CNTNAP4: variants seen among roughly 807,000 people sequenced by gnomAD.
CNTNAP4 encodes contactin-associated protein-like 4.
CNTNAP4 carries 98 observed loss-of-function variants against 148.4 expected under a neutral mutation model. The ratio of observed to expected loss-of-function variants is 0.66; its 90% CI spans 0.56 to 0.78. CNTNAP4 has a LOEUF of 0.78. CNTNAP4 is among the 30% of genes least tolerant of loss of function. The pLI is 0.00. For missense variants in CNTNAP4, 1,935 were observed against 1,565.6 expected (o/e 1.24, Z -3.98); for synonymous variants, 730 against 565.1 (o/e 1.29, Z -4.14).
intron 17 of CNTNAP4, among the ~76,000 whole-genome samples, chr16:76,532,955 C>G (rs1320133035): frequency 1.3e-5 from 2 of 152,084 alleles, no homozygotes; most frequent in Non-Finnish European, 2.9e-5. Context: ...ACAAATAGAA[C>G]TACAATGTGA....
chr16:76,547,203 A>G (rs975916573), intron 21 of CNTNAP4, among the ~76,000 whole-genome samples: 17 of 152,344 alleles, frequency 1.1e-4, no homozygotes, highest in African/African-American at 4.1e-4. Flanking sequence ...TAATTAAAGG[A>G]AATATACAGA....
rs568116026 is a variant in CNTNAP4, at chr16:76,282,032, G to A, written c.85+4285G>A. Among the ~76,000 whole-genome samples the A allele has an allele frequency of 2.6e-4, 40 of 151,592 alleles. No homozygotes were observed. In the South Asian group the frequency reaches 8.3e-3, roughly 32 times the overall value. On this transcript the variant is annotated intron_variant, in intron 1 of 23. Transcript: ENST00000611870. ...TGGCACTTTATATAAAAAGTTAATT[G>A]ACCCCTATTTAAATAATATACAATA...
chr16:76,442,653 C>G (rs72797049), intron 4 of CNTNAP4, among the ~76,000 whole-genome samples: 3,809 of 152,062 alleles, frequency 0.025, 79 homozygotes, highest in Non-Finnish European at 0.038. Flanking sequence ...TAGCAACACA[C>G]TCTTGCAAGA....
At chr16:76,300,841 A>C (rs1597121670) in intron 1 of CNTNAP4, among the ~76,000 whole-genome samples, 1 of 152,144 alleles carries the variant, frequency 6.6e-6, no homozygotes, top group Admixed American at 6.6e-5. Flanking sequence ...TTTGCAGTAC[A>C]TTAGACACTA....
chr16:76,336,534 G>C (rs1321286796), intron 2 of CNTNAP4, among the ~76,000 whole-genome samples: 1 of 152,144 alleles, frequency 6.6e-6, no homozygotes, highest in East Asian at 1.9e-4. Context: ...TTGGATAAAA[G>C]ATTTAGGCTT....
intron 23 of CNTNAP4, 69 bp downstream of exon 23, chr16:76,553,976 TG>T: frequency 2.0e-6 from 2 of 1,002,060 alleles, no homozygotes; most frequent in Admixed American, 4.1e-5. Context: ...TATTTAGCAT[TG>T]TAGAAACTGT....
rs1292198875 is a variant in CNTNAP4 at position 76,460,793 on chromosome 16, T to TATATATAC, written c.1334-1161_1334-1160insATATACAT. Among the ~76,000 whole-genome samples the TATATATAC allele has an allele frequency of 8.4e-4, 93 of 110,480 alleles. 3 individuals are homozygous for TATATATAC. The highest frequency in any genetic ancestry group is 3.1e-3 in the African/African-American group (84 of 26,820). 72.5% of individuals were successfully genotyped at this position (110,480 alleles called of 152,430 possible). On this transcript the variant is annotated intron_variant, in intron 8 of 23. Transcript: ENST00000611870. ...AAAAAAATATATATATATATATATA[T>TATATATAC]ATTTAGAATTGTATATAAATATATA...
intron 17 of CNTNAP4, among the ~76,000 whole-genome samples, chr16:76,528,002 T>G (rs971185015): frequency 6.6e-6 from 1 of 152,164 alleles, no homozygotes; most frequent in Admixed American, 6.6e-5. Context: ...AAAATGTACC[T>G]TCTTCTTGGT....
chr16:76,414,734 C>T (rs2078916755), intron 3 of CNTNAP4, among the ~76,000 whole-genome samples: 1 of 151,298 alleles, frequency 6.6e-6, no homozygotes, highest in African/African-American at 2.4e-5. Context: ...CTGTTCTCAT[C>T]TGTTTTGGTA....
At chr16:76,540,481 A>G (rs4402598) in intron 20 of CNTNAP4, among the ~76,000 whole-genome samples, 38,725 of 151,496 alleles carry the variant, frequency 0.26, 5,131 homozygotes, top group African/African-American at 0.31. Context: ...AGGGTAGTAT[A>G]GAAATAATAC....
intron 3 of CNTNAP4, among the ~76,000 whole-genome samples, chr16:76,401,231 C>T (rs1258408196): frequency 6.6e-6 from 1 of 151,996 alleles, no homozygotes; most frequent in African/African-American, 2.4e-5. Context: ...TGTTTTGTTA[C>T]TCTCATTGTA....
intron 15 of CNTNAP4, among the ~76,000 whole-genome samples, chr16:76,518,161 T>C (rs2083320406): frequency 6.6e-6 from 1 of 152,080 alleles, no homozygotes; most frequent in African/African-American, 2.4e-5. Context: ...AGAGTCTCAT[T>C]CTGTCATCCA....
intron 8 of CNTNAP4, among the ~76,000 whole-genome samples, chr16:76,456,088 C>G (rs1167568490): frequency 2.1e-5 from 3 of 143,056 alleles, no homozygotes; most frequent in African/African-American, 7.3e-5. Flanking sequence ...CTTCCATCTA[C>G]TATTCCATCC....
intron 2 of CNTNAP4, among the ~76,000 whole-genome samples, chr16:76,352,095 G>C (rs565678944): frequency 6.6e-6 from 1 of 152,210 alleles, no homozygotes; most frequent in East Asian, 1.9e-4. Context: ...CTGAGAGGGT[G>C]ACATTATAGG....
At chr16:76,512,689 G>C (rs1156995898) in intron 15 of CNTNAP4, among the ~76,000 whole-genome samples, 1 of 152,102 alleles carries the variant, frequency 6.6e-6, no homozygotes. Context: ...GGAACAGCAG[G>C]AGTTATTTTG....
chr16:76,327,163 A>G (rs958757203), intron 2 of CNTNAP4, among the ~76,000 whole-genome samples: 3 of 152,104 alleles, frequency 2.0e-5, no homozygotes, highest in African/African-American at 7.2e-5. Flanking sequence ...CCAGGTAGTG[A>G]GCATAGTATC....
In CNTNAP4 at chr16:76,413,371, A is replaced by T. The variant is rs2078865268; in HGVS notation, c.391-14081A>T. Among the ~76,000 whole-genome samples the T allele has an allele frequency of 1.3e-5, 2 of 151,370 alleles. 1 individual carries two copies. The highest frequency in any genetic ancestry group is 3.0e-5 in the Non-Finnish European group (2 of 67,514). ...GTTTTCCAATGTGGATATCCAATTTATACAGCACCATGTATTTAAAAGAAT... is the reference window on the plus strand; with the variant it reads ...GTTTTCCAATGTGGATATCCAATTTTTACAGCACCATGTATTTAAAAGAAT... On this transcript the variant is annotated intron_variant, in intron 3 of 23. Coordinates refer to ENST00000611870, the MANE Select transcript of CNTNAP4 (RefSeq NM_033401.5).
rs532717453 is a variant in CNTNAP4, at chr16:76,410,581, C to T, written c.391-16871C>T. On this transcript the variant is annotated intron_variant, in intron 3 of 23. Transcript: ENST00000611870. The stretch of plus-strand genomic sequence containing the variant: ...AGTGTCCGCTGCATGCATTTATTCA[C>T]CCTCTGCTCCCAAATGACAGATGAG... Among the ~76,000 whole-genome samples, 55 of 151,152 alleles carry T rather than the reference C, an allele frequency of 3.6e-4. 1 individual carries two copies. The highest frequency in any genetic ancestry group is 1.5e-3 in the Admixed American group (22 of 15,170).
chr16:76,530,357 A>T (rs1264327567), intron 17 of CNTNAP4, among the ~76,000 whole-genome samples: 1 of 152,136 alleles, frequency 6.6e-6, no homozygotes, highest in African/African-American at 2.4e-5. Context: ...CACTTCTCCC[A>T]TCCTTGAGGC....
Sources: gnomAD v4.1 joint callset for allele counts (sites outside exome capture counted in the v4.1 genomes callset) on GRCh38, gnomAD v4.1.1 for gene constraint, MANE v1.5 for transcripts, NCBI Gene and HGNC (gene_info 2026-07-23, HGNC 2026-07-21) for gene names.